CELF2: variants seen among roughly 807,000 people sequenced by gnomAD.
CELF2 encodes the protein CUG triplet repeat RNA-binding protein 2.
In CELF2, 8 loss-of-function variants were observed where a neutral mutation model predicts 62.6. The ratio of observed to expected loss-of-function variants is 0.13; its 90% CI spans 0.07 to 0.23. CELF2 has a LOEUF of 0.23. Among genes scored for constraint, CELF2 ranks in the 10% least tolerant of loss-of-function variants. The pLI, the probability that CELF2 is intolerant of heterozygous loss-of-function variation, is 1.00. For synonymous variants in CELF2, 258 were observed against 250.0 expected (o/e 1.03, Z -0.30); for missense variants, 333 against 671.0 (o/e 0.50, Z 5.56).
At chr10:11,074,023 G>A (rs2071040513) in intron 1 of CELF2, among the ~76,000 whole-genome samples, 2 of 152,148 alleles carry the variant, frequency 1.3e-5, no homozygotes, top group African/African-American at 4.8e-5. Context: ...CACAGCCCTC[G>A]AGGGTCTGTA....
At chr10:10,775,591 A>G in the CELF2 span, among the ~76,000 whole-genome samples, 1 of 149,458 alleles carries the variant, frequency 6.7e-6, no homozygotes, top group East Asian at 2.0e-4. Context: ...GTGCCGCTGC[A>G]TGACAGAGAG....
the CELF2 span, among the ~76,000 whole-genome samples, chr10:10,701,182 G>A: frequency 6.6e-6 from 1 of 152,234 alleles, no homozygotes; most frequent in Non-Finnish European, 1.5e-5. Context: ...GCAGGGAGCT[G>A]GGAGAAAGGA....
the CELF2 span, among the ~76,000 whole-genome samples, chr10:10,538,209 C>A: frequency 6.6e-6 from 1 of 152,128 alleles, no homozygotes; most frequent in Admixed American, 6.5e-5. Context: ...TCCCCATTTG[C>A]CAAGTTGGAA....
At position 11,300,853 on chromosome 10, in the gene CELF2, T is replaced by C. The variant is rs952005169; in HGVS notation, c.976+12301T>C. Reference sequence around the variant, plus strand: ...CCGTGTTTACAATGATTTTATTTCCTAAACCACAAAGCCACTGTGTTTTCA... The same window carrying C: ...CCGTGTTTACAATGATTTTATTTCCCAAACCACAAAGCCACTGTGTTTTCA... On this transcript the variant is annotated intron_variant, in intron 9 of 12. Coordinates refer to ENST00000633077, the MANE Select transcript of CELF2 (RefSeq NM_001326342.2). This position sits in a 1 kb window ranked among gnomAD's most constrained non-coding sequence, Gnocchi z 5.5. 2.0e-5 allele frequency among the ~76,000 whole-genome samples: 3 copies of C among 151,810 alleles called. No individual in the cohort carries two copies. Among genetic ancestry groups the C allele is most frequent in the African/African-American group, 7.3e-5 (3 of 41,052 alleles).
chr10:10,644,427 G>GTT, the CELF2 span, among the ~76,000 whole-genome samples: 1 of 150,318 alleles, frequency 6.7e-6, no homozygotes, highest in Non-Finnish European at 1.5e-5. Flanking sequence ...GTGTGTGTGT[G>GTT]TTTGCACTTC....
chr10:10,612,871 A>G, the CELF2 span, among the ~76,000 whole-genome samples: 1 of 152,226 alleles, frequency 6.6e-6, no homozygotes, highest in Non-Finnish European at 1.5e-5. Flanking sequence ...AAAGCATTCC[A>G]TATAGTAAGA....
At chr10:10,963,519 A>G (rs73579407) in intron 2 of CELF2, among the ~76,000 whole-genome samples, 1 of 152,196 alleles carries the variant, frequency 6.6e-6, no homozygotes, top group Non-Finnish European at 1.5e-5. Flanking sequence ...AACAATCCAC[A>G]TGCTCAAAAC....
At chr10:10,751,362 T>A in the CELF2 span, among the ~76,000 whole-genome samples, 3 of 152,252 alleles carry the variant, frequency 2.0e-5, no homozygotes, top group Non-Finnish European at 4.4e-5. Flanking sequence ...ACAAATGTCC[T>A]GGAAAGTAAA....
intron 1 of CELF2, among the ~76,000 whole-genome samples, chr10:10,850,770 T>G (rs2059335516): frequency 1.3e-5 from 2 of 152,170 alleles, no homozygotes; most frequent in East Asian, 1.9e-4. Flanking sequence ...AGTTTACCAG[T>G]AAGGAAACTG....
At chr10:10,648,564 T>A in the CELF2 span, among the ~76,000 whole-genome samples, 1 of 152,184 alleles carries the variant, frequency 6.6e-6, no homozygotes, top group Admixed American at 6.5e-5. Flanking sequence ...AACTATTACA[T>A]GGCATCACAC....
chr10:10,719,222 T>C, the CELF2 span, among the ~76,000 whole-genome samples: 1 of 152,002 alleles, frequency 6.6e-6, no homozygotes, highest in Non-Finnish European at 1.5e-5. Context: ...CTTCTCAAAG[T>C]GCTGGGATTA....
chr10:10,818,845 T>C (rs937511491), intron 1 of CELF2, among the ~76,000 whole-genome samples: 2 of 152,174 alleles, frequency 1.3e-5, no homozygotes, highest in East Asian at 1.9e-4. Flanking sequence ...CCCAAAATGT[T>C]GGGATTACAG....
intron 2 of CELF2, among the ~76,000 whole-genome samples, chr10:10,970,373 A>AT (rs1239660613): frequency 7.9e-5 from 12 of 152,116 alleles, no homozygotes; most frequent in South Asian, 4.2e-4. Flanking sequence ...AGCCAGTGTG[A>AT]TTTTTTTTAA....
chr10:11,196,118 T>C (rs550566450), intron 2 of CELF2, among the ~76,000 whole-genome samples: 59 of 152,330 alleles, frequency 3.9e-4, no homozygotes, highest in African/African-American at 1.4e-3. Context: ...GCTATTTTTA[T>C]TGGCTAGCAG....
chr10:10,891,622 A>G lies in CELF2; in HGVS notation c.54-28342A>G, dbSNP rs548693960. ...ACTCAGACATGAGTTTTTAAGAGGCAGAGCTGGACTTCAACCCAGACTTGA... is the reference window on the plus strand; with the variant it reads ...ACTCAGACATGAGTTTTTAAGAGGCGGAGCTGGACTTCAACCCAGACTTGA... On this transcript the variant is annotated intron_variant, in intron 1 of 13. Coordinates refer to the CELF2 transcript ENST00000636488. 2.0e-5 allele frequency among the ~76,000 whole-genome samples: 3 copies of G among 152,290 alleles called. No homozygotes were observed. The East Asian group carries it at 5.8e-4, about 29-fold the overall frequency.
At chr10:10,504,657 G>T in the CELF2 span, among the ~76,000 whole-genome samples, 1 of 151,976 alleles carries the variant, frequency 6.6e-6, no homozygotes, top group African/African-American at 2.4e-5. Flanking sequence ...AAATTCAAAT[G>T]ACATGAGAGT....
chr10:10,965,375 G>C (rs2050013556), intron 2 of CELF2, among the ~76,000 whole-genome samples: 1 of 152,122 alleles, frequency 6.6e-6, no homozygotes, highest in Non-Finnish European at 1.5e-5. Flanking sequence ...TCACATGTAG[G>C]ACACTTAAAA....
chr10:11,016,285 G>A (rs529031627), upstream of CELF2, among the ~76,000 whole-genome samples: 9 of 152,168 alleles, frequency 5.9e-5, no homozygotes, highest in Admixed American at 1.3e-4. This position sits in a 1 kb window ranked among gnomAD's most constrained non-coding sequence, Gnocchi z 5.2. Flanking sequence ...GAATTCACTC[G>A]ATTGCAACCA....
the CELF2 span, among the ~76,000 whole-genome samples, chr10:10,724,042 A>G: frequency 3.4e-4 from 52 of 152,234 alleles, no homozygotes; most frequent in Non-Finnish European, 6.6e-4. Context: ...CTTCACATTT[A>G]TGTATCAAGC....
Sources: allele counts gnomAD v4.1 joint callset (sites outside exome capture counted in the v4.1 genomes callset), GRCh38; gene constraint gnomAD v4.1.1; non-coding constraint Gnocchi (gnomAD v3.1); transcripts MANE v1.5; gene names NCBI Gene and HGNC (gene_info 2026-07-23, HGNC 2026-07-21).